Variants in DLG2 observed in about 807,000 individuals in gnomAD.
DLG2 encodes the protein disks large homolog 2.
A neutral mutation model predicts 132.5 loss-of-function variants in DLG2; 45 were observed. The ratio of observed to expected loss-of-function variants is 0.34; its 90% CI spans 0.27 to 0.44. The LOEUF (loss-of-function observed/expected upper bound fraction) is 0.44, where lower values mean the gene tolerates loss of function less well. DLG2 is among the 20% of genes least tolerant of loss of function. The probability of loss-of-function intolerance (pLI) is 1.00; values close to 1 mark genes in which losing one functional copy is unlikely to be tolerated. For synonymous variants in DLG2, 424 were observed against 419.6 expected (o/e 1.01, Z -0.13); for missense variants, 1,045 against 1,196.9 (o/e 0.87, Z 1.87).
intron 6 of DLG2, among the ~76,000 whole-genome samples, chr11:85,020,293 T>G (rs1375850056): frequency 6.6e-6 from 1 of 152,188 alleles, no homozygotes; most frequent in Non-Finnish European, 1.5e-5. Flanking sequence ...TCATGTCCTT[T>G]GCCCACTTTT....
At chr11:85,519,280 G>A (rs536417018) in intron 3 of DLG2, among the ~76,000 whole-genome samples, 20 of 152,324 alleles carry the variant, frequency 1.3e-4, no homozygotes, top group African/African-American at 4.6e-4. Context: ...TAGCCAGGAT[G>A]GAGGCTGTAC....
intron 7 of DLG2, among the ~76,000 whole-genome samples, chr11:84,373,413 T>C (rs908410165): frequency 1.3e-5 from 2 of 151,412 alleles, no homozygotes; most frequent in Admixed American, 6.6e-5. Context: ...CTACTAAAAA[T>C]AGAAAAATTA....
intron 8 of DLG2, among the ~76,000 whole-genome samples, chr11:84,207,589 G>A (rs2096688957): frequency 6.6e-6 from 1 of 152,010 alleles, no homozygotes; most frequent in Admixed American, 6.6e-5. Context: ...GATATCTATT[G>A]GAAAAATTGA....
intron 21 of DLG2, among the ~76,000 whole-genome samples, chr11:83,517,869 C>T (rs1038191214): frequency 2.6e-5 from 4 of 152,140 alleles, no homozygotes; most frequent in South Asian, 2.1e-4. Context: ...GCTGCCTGAT[C>T]GTTCCTCTGG....
chr11:84,401,335 C>G (rs1051656963), intron 7 of DLG2, among the ~76,000 whole-genome samples: 1 of 152,086 alleles, frequency 6.6e-6, no homozygotes, highest in Non-Finnish European at 1.5e-5. Flanking sequence ...ACACTTTTCA[C>G]AACTTATTAT....
chr11:84,547,909 C>A (rs1473512897), intron 6 of DLG2, among the ~76,000 whole-genome samples: 1 of 152,148 alleles, frequency 6.6e-6, no homozygotes. Flanking sequence ...ACTAGCACAT[C>A]CTAGAAGTAG....
At chr11:85,008,763 C>T (rs2058910217) in intron 6 of DLG2, among the ~76,000 whole-genome samples, 1 of 152,082 alleles carries the variant, frequency 6.6e-6, no homozygotes, top group African/African-American at 2.4e-5. Flanking sequence ...TGTCATTAAA[C>T]TTATATTCCA....
chr11:84,622,713 A>C (rs2099616046), intron 6 of DLG2, among the ~76,000 whole-genome samples: 1 of 152,182 alleles, frequency 6.6e-6, no homozygotes, highest in South Asian at 2.1e-4. Flanking sequence ...AATGGCATAA[A>C]GAAAACATTA....
At chr11:85,385,959 C>T (rs1004823259) in intron 3 of DLG2, among the ~76,000 whole-genome samples, 29 of 152,176 alleles carry the variant, frequency 1.9e-4, no homozygotes, top group African/African-American at 4.8e-4. Flanking sequence ...GATTAGTTGA[C>T]GATTCCCTGA....
intron 8 of DLG2, among the ~76,000 whole-genome samples, chr11:84,224,719 T>TA (rs1206860381): frequency 6.6e-6 from 1 of 152,182 alleles, no homozygotes; most frequent in Non-Finnish European, 1.5e-5. Flanking sequence ...TCAATGCTCT[T>TA]AACTATTATA....
intron 5 of DLG2, among the ~76,000 whole-genome samples, chr11:85,116,074 A>G (rs2073530561): frequency 6.6e-6 from 1 of 152,002 alleles, no homozygotes; most frequent in Non-Finnish European, 1.5e-5. Flanking sequence ...GATGAAGAAA[A>G]AGAGGTCAAA....
chr11:83,787,611 G>A (rs1015929940), intron 17 of DLG2, among the ~76,000 whole-genome samples: 15 of 152,092 alleles, frequency 9.9e-5, no homozygotes, highest in South Asian at 2.1e-4. Flanking sequence ...GTGAGCCACC[G>A]CGCCCGGCCG....
chr11:85,517,239 T>A (rs1210521330), intron 3 of DLG2, among the ~76,000 whole-genome samples: 4 of 150,834 alleles, frequency 2.7e-5, no homozygotes, highest in South Asian at 4.2e-4. Context: ...TATCATGATT[T>A]AAAAAAAAAC....
chr11:84,798,402 C>T (rs2074947228), intron 6 of DLG2, among the ~76,000 whole-genome samples: 1 of 152,220 alleles, frequency 6.6e-6, no homozygotes, highest in Non-Finnish European at 1.5e-5. Context: ...GTCCTTCCCC[C>T]TCTTTCCTCT....
chr11:84,982,180 T>G (rs2055848829), intron 6 of DLG2, among the ~76,000 whole-genome samples: 1 of 151,434 alleles, frequency 6.6e-6, no homozygotes, highest in Non-Finnish European at 1.5e-5. Context: ...TACTAACAAT[T>G]TCATAAATCT....
intron 3 of DLG2, among the ~76,000 whole-genome samples, chr11:85,535,227 G>C (rs557736155): frequency 4.6e-5 from 7 of 152,216 alleles, no homozygotes; most frequent in Non-Finnish European, 7.4e-5. Context: ...TGGTGATGCG[G>C]AGTATTTAGC....
chr11:84,123,275 A>G (rs1237295961), intron 9 of DLG2, among the ~76,000 whole-genome samples: 1 of 152,232 alleles, frequency 6.6e-6, no homozygotes, highest in Non-Finnish European at 1.5e-5. Context: ...GCACTTTGCA[A>G]TAGGCATGCA....
chr11:84,456,925 T>A (rs949167726), intron 7 of DLG2, among the ~76,000 whole-genome samples: 21 of 151,314 alleles, frequency 1.4e-4, no homozygotes, highest in African/African-American at 4.8e-4. Context: ...TGTTATAAGT[T>A]AGTATTTAAA....
At chr11:85,438,765 A>G (rs60952728) in intron 3 of DLG2, among the ~76,000 whole-genome samples, 3,565 of 152,246 alleles carry the variant, frequency 0.023, 138 homozygotes, top group African/African-American at 0.08. Flanking sequence ...AGTTTCTACT[A>G]TCGGAGTCAA....
Sources: allele counts gnomAD v4.1 joint callset (sites outside exome capture counted in the v4.1 genomes callset), GRCh38; gene constraint gnomAD v4.1.1; transcripts MANE v1.5; gene names NCBI Gene and HGNC (gene_info 2026-07-23, HGNC 2026-07-21).